The following SHANK2 variants were observed in gnomAD, a reference collection of about 807,000 sequenced individuals.
SHANK2 encodes the protein SH3 and multiple ankyrin repeat domains 2.
SHANK2 carries 43 observed loss-of-function variants against 133.7 expected under a neutral mutation model. The ratio of observed to expected loss-of-function variants is 0.32; its 90% CI spans 0.25 to 0.41. The LOEUF (loss-of-function observed/expected upper bound fraction) is 0.41, where lower values mean the gene tolerates loss of function less well. Ranked by LOEUF, SHANK2 falls within the 10% of genes least tolerant of loss-of-function variation. The pLI, the probability that SHANK2 is intolerant of heterozygous loss-of-function variation, is 1.00. For synonymous variants in SHANK2, 1,017 were observed against 952.8 expected (o/e 1.07, Z -1.24); for missense variants, 1,994 against 2,235.8 (o/e 0.89, Z 2.18).
intron 14 of SHANK2, among the ~76,000 whole-genome samples, chr11:70,767,206 G>GC (rs1323016510): frequency 3.3e-5 from 5 of 152,140 alleles, no homozygotes; most frequent in Non-Finnish European, 7.4e-5. Context: ...CCAGGGTCCT[G>GC]CCCAGCCCCA....
chr11:71,088,739 C>T (rs1446210063), intron 8 of SHANK2, among the ~76,000 whole-genome samples: 2 of 150,932 alleles, frequency 1.3e-5, no homozygotes, highest in African/African-American at 4.9e-5. Context: ...TGGGTGACTG[C>T]ACCACCCCAC....
intron 15 of SHANK2, chr11:70,668,019 C>A (rs2134311792): frequency 6.6e-6 from 1 of 152,296 alleles, no homozygotes; most frequent in Non-Finnish European, 1.5e-5. Context: ...CCAGCTGTTA[C>A]ATCCTGAATA....
rs972587869 is a variant in SHANK2, at chr11:70,730,218, A to G, written c.1778-31455T>C. The stretch of plus-strand genomic sequence containing the variant: ...GGCACAGGTGAATCTCCTTCTGTGG[A>G]GTTCCCCGAGCTCTTTGAAGCAGGA... On this transcript the variant is annotated intron_variant, in intron 14 of 25. Transcript: ENST00000601538. 2.6e-5 allele frequency among the ~76,000 whole-genome samples: 4 copies of G among 152,202 alleles called. No homozygotes were observed. The East Asian group carries it at 7.7e-4, about 29-fold the overall frequency.
At chr11:70,711,565 G>C (rs1459782630) in intron 14 of SHANK2, among the ~76,000 whole-genome samples, 1 of 152,266 alleles carries the variant, frequency 6.6e-6, no homozygotes, top group Non-Finnish European at 1.5e-5. Context: ...CTAGGAGTGT[G>C]CGGGGCTTGG....
chr11:71,128,318 C>T (rs76907311), intron 3 of SHANK2, among the ~76,000 whole-genome samples: 4,451 of 152,258 alleles, frequency 0.029, 203 homozygotes, highest in African/African-American at 0.098. Flanking sequence ...CAGATCCTTC[C>T]GAAACCTGCT....
chr11:70,822,645 T>C (rs11237606), intron 11 of SHANK2, among the ~76,000 whole-genome samples: 6,677 of 118,598 alleles, frequency 0.056, 380 homozygotes, highest in Middle Eastern at 0.15. Flanking sequence ...CTGGCAGAGC[T>C]CATGGGGGAC....
intron 10 of SHANK2, among the ~76,000 whole-genome samples, chr11:70,917,444 G>A (rs1401284591): frequency 6.6e-6 from 1 of 152,212 alleles, no homozygotes; most frequent in East Asian, 1.9e-4. Context: ...GAAAGACAGT[G>A]TGGAGATTCT....
intron 14 of SHANK2, among the ~76,000 whole-genome samples, chr11:70,715,986 G>T (rs1280680305): frequency 1.3e-5 from 2 of 152,168 alleles, no homozygotes; most frequent in Non-Finnish European, 1.5e-5. Context: ...GTCTGGAGGG[G>T]CCTCACTCTG....
At chr11:70,929,608 C>A (rs1950475082) in intron 10 of SHANK2, among the ~76,000 whole-genome samples, 1 of 152,176 alleles carries the variant, frequency 6.6e-6, no homozygotes, top group Non-Finnish European at 1.5e-5. Context: ...GACCTCCGTG[C>A]CTGTTGTCAC....
chr11:70,552,846 C>T (rs1028044563), intron 17 of SHANK2, among the ~76,000 whole-genome samples: 3 of 152,058 alleles, frequency 2.0e-5, no homozygotes, highest in Non-Finnish European at 4.4e-5. Context: ...AGCCTCTAGT[C>T]GTCAGCTTGG....
intron 14 of SHANK2, among the ~76,000 whole-genome samples, chr11:70,766,604 C>T (rs769179099): frequency 1.4e-4 from 21 of 152,260 alleles, no homozygotes; most frequent in Non-Finnish European, 1.8e-4. Flanking sequence ...CCTAAGCAAC[C>T]GCATCAGGGG....
intron 25 of SHANK2, among the ~76,000 whole-genome samples, chr11:70,481,094 C>T (rs2058726725): frequency 6.6e-6 from 1 of 152,228 alleles, no homozygotes; most frequent in Admixed American, 6.5e-5. Context: ...GAGACTACCT[C>T]CTGGAATAAT....
At position 71,175,946 on chromosome 11, in the gene SHANK2, G is replaced by A. The variant is rs1953434016; in HGVS notation, c.-12-28608C>T. Among the ~76,000 whole-genome samples the A allele has an allele frequency of 6.6e-6, 1 of 152,164 alleles. No individual in the cohort carries two copies. The highest frequency in any genetic ancestry group is 1.5e-5 in the Non-Finnish European group (1 of 68,040). On this transcript the variant is annotated intron_variant, in intron 2 of 25. Coordinates refer to ENST00000601538, the MANE Select transcript of SHANK2 (RefSeq NM_012309.5). This position sits in a 1 kb window ranked among gnomAD's most constrained non-coding sequence, Gnocchi z 4.2. ...CCAGGAGGAGAGAGAATGGAACGGAGCCTAGTAGAGATGTGTTCCCTTATT... is the reference window on the plus strand; with the variant it reads ...CCAGGAGGAGAGAGAATGGAACGGAACCTAGTAGAGATGTGTTCCCTTATT...
chr11:70,492,509 G>A (rs1555156171), intron 21 of SHANK2, 44 bp from the exon 22 acceptor site: 1 of 1,612,464 alleles, frequency 6.2e-7, no homozygotes, highest in Non-Finnish European at 8.5e-7. Context: ...ACCAGTGGGG[G>A]AAGCTGGGTG....
intron 14 of SHANK2, among the ~76,000 whole-genome samples, chr11:70,780,506 G>T (rs1947458807): frequency 6.6e-6 from 1 of 151,924 alleles, no homozygotes; most frequent in African/African-American, 2.4e-5. Flanking sequence ...GTGCCAACAT[G>T]TAGATGATAA....
chr11:70,646,825 TTTATTTTATTTATTTA>T (rs1565210578), intron 17 of SHANK2, among the ~76,000 whole-genome samples: 1 of 69,084 alleles, frequency 1.4e-5, no homozygotes, highest in Non-Finnish European at 3.1e-5. Context: ...CTAACTTTTA[TTTATTTTATTTATTTA>T]TTTATTTATT....
intron 11 of SHANK2, among the ~76,000 whole-genome samples, chr11:70,892,515 T>A (rs1305848726): frequency 2.0e-5 from 3 of 152,060 alleles, no homozygotes; most frequent in African/African-American, 7.2e-5. Context: ...TGGTGGAAGG[T>A]TTTTCTCAGC....
At chr11:70,638,141 G>A (rs58016288) in intron 17 of SHANK2, among the ~76,000 whole-genome samples, 3,243 of 152,322 alleles carry the variant, frequency 0.021, 110 homozygotes, top group African/African-American at 0.074. Flanking sequence ...CCATAATCTG[G>A]CAAATACACT....
intron 21 of SHANK2, among the ~76,000 whole-genome samples, chr11:70,496,171 G>T (rs542831361): frequency 6.6e-6 from 1 of 152,106 alleles, no homozygotes; most frequent in Non-Finnish European, 1.5e-5. Context: ...CTGCTGTGCT[G>T]TTGGCCATGT....
Sources: allele counts gnomAD v4.1 joint callset (sites outside exome capture counted in the v4.1 genomes callset), GRCh38; gene constraint gnomAD v4.1.1; non-coding constraint Gnocchi (gnomAD v3.1); transcripts MANE v1.5; gene names NCBI Gene and HGNC (gene_info 2026-07-23, HGNC 2026-07-21).